The following CES4A variants were observed in gnomAD, a reference collection of about 807,000 sequenced individuals.
CES4A encodes carboxylesterase 4A, also known as carboxylesterase 6.
Under a neutral mutation model 65.4 loss-of-function variants are expected in CES4A, and 48 were observed. The observed-to-expected ratio is 0.73, with a 90% CI of 0.58 to 0.93. The LOEUF (loss-of-function observed/expected upper bound fraction) is 0.93, where lower values mean the gene tolerates loss of function less well. CES4A is among the 40% of genes least tolerant of loss of function. The pLI is 0.00. For missense variants in CES4A, 685 were observed against 728.5 expected (o/e 0.94, Z 0.69); for synonymous variants, 247 against 281.8 (o/e 0.88, Z 1.24).
intron 1 of CES4A, among the ~76,000 whole-genome samples, chr16:66,994,147 A>T (rs2145585795): frequency 6.6e-6 from 1 of 152,128 alleles, no homozygotes; most frequent in African/African-American, 2.4e-5. Context: ...ACAAACAGAA[A>T]TCAAAATGAA....
At position 67,001,074 on chromosome 16, in the gene CES4A, C is replaced by CGGGGGGG; in HGVS notation, c.536+88_536+89insGGGGGGG. On this transcript the variant is annotated intron_variant, in intron 4 of 13. Transcript: ENST00000648724. The surrounding 1 kb of genome is among the most constrained non-coding windows in gnomAD (Gnocchi z 4.1). ...GGGAAGGGAGGGGCGGGGCCTGGGG[C>CGGGGGGG]GGGGATGGGGGGGGTGGGGCCGCGA... is the stretch of plus-strand genomic sequence containing the variant. 1 of 108,620 alleles carries CGGGGGGG rather than the reference C, an allele frequency of 9.2e-6. No homozygotes were observed. Among genetic ancestry groups the CGGGGGGG allele is most frequent in the Non-Finnish European group, 1.6e-5 (1 of 62,072 alleles). 6.7% of individuals were successfully genotyped at this position (108,620 alleles called of 1,614,324 possible). A position where few individuals can be genotyped will look rare whatever the true frequency, so the allele number is the denominator to read the frequency against.
intron 1 of CES4A, among the ~76,000 whole-genome samples, chr16:66,990,852 T>C (rs1479938719): frequency 1.3e-5 from 2 of 151,968 alleles, no homozygotes; most frequent in Admixed American, 1.3e-4. Context: ...CCTTGCTTGG[T>C]CCCCAGATAT....
At chr16:66,999,368 C>G (rs1255853724) in intron 2 of CES4A, among the ~76,000 whole-genome samples, 1 of 152,210 alleles carries the variant, frequency 6.6e-6, no homozygotes, top group Non-Finnish European at 1.5e-5. Flanking sequence ...AAAAATACCC[C>G]AAATATCCAC....
At chr16:66,996,572 C>CA (rs1398337386) in intron 2 of CES4A, among the ~76,000 whole-genome samples, 2 of 152,196 alleles carry the variant, frequency 1.3e-5, no homozygotes, top group African/African-American at 4.8e-5. Context: ...TGGCGATTTA[C>CA]CCAGAACAAG....
In CES4A at chr16:67,000,413, A is replaced by G; in HGVS notation, c.261-225A>G. On this transcript the variant is annotated intron_variant, in intron 2 of 13. Transcript: ENST00000648724. This position sits in a 1 kb window ranked among gnomAD's most constrained non-coding sequence, Gnocchi z 4.2. ...GGAGCAGGAATCTCTCCACGGACTG[A>G]GGCGCCGGGCAGGGAGGGGATGGTT... 1 of 1,341,940 alleles carries G rather than the reference A, an allele frequency of 7.5e-7. No homozygotes were observed. Among genetic ancestry groups the G allele is most frequent in the East Asian group, 2.8e-5 (1 of 36,090 alleles). 83.1% of individuals were successfully genotyped at this position (1,341,940 alleles called of 1,614,324 possible).
chr16:67,007,082 G>GCC, intron 13 of CES4A: 2 of 451,996 alleles, frequency 4.4e-6, no homozygotes, highest in South Asian at 3.5e-5. Flanking sequence ...TTTGGGCCCA[G>GCC]CCCCAGTACT....
Position 67,009,055 on chromosome 16 carries a change from A to AGT in CES4A, c.1601_1602dup (p.Gly535TrpfsTer3). Reference sequence around the variant, plus strand: ...ACCTGCAGCTGGATTTTACCACAAGAGTGGGCATGAAGCTCAAGGAGAAGA... The same window carrying AGT: ...ACCTGCAGCTGGATTTTACCACAAGAGTGTGGGCATGAAGCTCAAGGAGAAGA... On this transcript the variant is annotated frameshift_variant, in exon 14 of 14. Coordinates refer to ENST00000648724, the Ensembl canonical transcript of CES4A. LOFTEE classifies it low-confidence loss of function (END_TRUNC). The AGT allele has an allele frequency of 6.2e-7, 1 of 1,614,204 alleles. No homozygotes were observed. The highest frequency in any genetic ancestry group is 8.5e-7 in the Non-Finnish European group (1 of 1,180,030).
At position 67,000,436 on chromosome 16, in the gene CES4A, G is replaced by T; in HGVS notation, c.261-202G>T. The T allele has an allele frequency of 1.4e-6, 2 of 1,403,552 alleles. No homozygotes were observed. The highest frequency in any genetic ancestry group is 1.9e-6 in the Non-Finnish European group (2 of 1,080,910). The allele number at this position is 1,403,552 out of a possible 1,614,324, so 86.9% of individuals were successfully genotyped here. On this transcript the variant is annotated intron_variant, in intron 2 of 13. Transcript: ENST00000648724. The surrounding 1 kb of genome is among the most constrained non-coding windows in gnomAD (Gnocchi z 4.2). The stretch of plus-strand genomic sequence containing the variant: ...TGAGGCGCCGGGCAGGGAGGGGATG[G>T]TTCCTGAGAGGCCAACCTGCCTCCC...
chr16:66,995,774 C>G, exon 2 of CES4A: 2 of 1,614,224 alleles, frequency 1.2e-6, no homozygotes, highest in Non-Finnish European at 1.7e-6. Context: ...GTTTGCACCT[C>G]CAGAACCCCC....
chr16:66,992,992 G>T (rs968505589), intron 1 of CES4A, among the ~76,000 whole-genome samples: 1 of 151,978 alleles, frequency 6.6e-6, no homozygotes, highest in African/African-American at 2.4e-5. Context: ...AGCCCAATTC[G>T]GTTTTGATAA....
rs377618990 is a variant in CES4A at position 67,000,794 on chromosome 16, T to A, written c.402+15T>A. The A allele has an allele frequency of 3.5e-5, 55 of 1,549,746 alleles. 1 individual carries two copies. The African/African-American group carries it at 7.3e-4, about 20-fold the overall frequency. ...CCCAGCTGCCAGTGAGTGCCAGGTC[T>A]CCCGCGCCCGCGGTCCCACCGCCGC... On this transcript the variant is annotated intron_variant, in intron 3 of 13. Coordinates refer to ENST00000648724, the Ensembl canonical transcript of CES4A. The surrounding 1 kb of genome is among the most constrained non-coding windows in gnomAD (Gnocchi z 4.2).
rs1458623642 is a variant in CES4A at position 66,988,731 on chromosome 16, G to A, written c.-42G>A. 4.5e-6 allele frequency: 7 copies of A among 1,552,898 alleles called. No individual in the cohort carries two copies. The African/African-American group carries it at 9.6e-5, about 21-fold the overall frequency. On this transcript the variant is annotated 5_prime_UTR_variant, in exon 1 of 14. The change creates a new upstream start codon in the 5' untranslated region. Coordinates refer to ENST00000648724, the Ensembl canonical transcript of CES4A. Reference sequence around the variant, plus strand: ...GCCATCCACAGTGTTGCCATCCACAGTGTTGCCATCACTCCTGCCCACAGC... The same window carrying A: ...GCCATCCACAGTGTTGCCATCCACAATGTTGCCATCACTCCTGCCCACAGC...
rs1431038255 is a variant in CES4A at position 67,006,459 on chromosome 16, A to G, written c.1384A>G (p.Thr462Ala). The G allele has an allele frequency of 5.9e-6, 9 of 1,536,534 alleles. No homozygotes were observed. In the Admixed American group the frequency reaches 9.8e-5, roughly 17 times the overall value. ...TCGTGGAATAATCGTCAAACCCCGC[A>G]CTGATGGGGCAGACCATGGGGATGA... Residue 462 changes from threonine to alanine, a missense_variant, in exon 12 of 14, where the codon ACT becomes GCT. Coordinates refer to ENST00000648724, the Ensembl canonical transcript of CES4A.
At chr16:67,006,159 T>C in intron 11 of CES4A, 1 of 520,900 alleles carries the variant, frequency 1.9e-6, no homozygotes, top group Non-Finnish European at 3.5e-6. Flanking sequence ...AATTAGGTTT[T>C]AGTATTCTCA....
rs1026488259 is a variant in CES4A at position 67,009,212 on chromosome 16, T to C, written c.*70T>C. ...ATCCAGGCCCTGGGGAGACTAGCCA[T>C]GGACATACCTGGGGACAAGAGTTCT... On this transcript the variant is annotated 3_prime_UTR_variant, in exon 14 of 14. Transcript: ENST00000648724. 30 of 1,432,610 alleles carry C rather than the reference T, an allele frequency of 2.1e-5. No homozygotes were observed. In the African/African-American group the frequency reaches 3.4e-4, roughly 16 times the overall value. 88.7% of individuals were successfully genotyped at this position (1,432,610 alleles called of 1,614,324 possible).
chr16:67,003,956 A>T lies in CES4A; in HGVS notation c.940-128A>T. On this transcript the variant is annotated intron_variant, in intron 8 of 13. Transcript: ENST00000648724. The surrounding 1 kb of genome is among the most constrained non-coding windows in gnomAD (Gnocchi z 4.2). ...CACACCCATCCTCCTGGGGCTCACC[A>T]TGCCAGCCCCAGCCTTTTCCCAATC... 1.0e-6 allele frequency: 1 copy of T among 991,602 alleles called. No individual in the cohort carries two copies. The highest frequency in any genetic ancestry group is 1.5e-6 in the Non-Finnish European group (1 of 650,266). 61.4% of individuals were successfully genotyped at this position (991,602 alleles called of 1,614,324 possible). A position where few individuals can be genotyped will look rare whatever the true frequency, so the allele number is the denominator to read the frequency against.
intron 1 of CES4A, among the ~76,000 whole-genome samples, chr16:66,989,543 T>A (rs891359810): frequency 7.3e-5 from 11 of 151,706 alleles, no homozygotes; most frequent in Admixed American, 6.6e-4. Context: ...ATAGACTCTG[T>A]CTCTATTTTT....
intron 2 of CES4A, among the ~76,000 whole-genome samples, chr16:66,998,334 A>T (rs973982278): frequency 2.9e-4 from 44 of 152,154 alleles, no homozygotes; most frequent in African/African-American, 1.0e-3. Flanking sequence ...TCTCACCTGT[A>T]ATCCCAACAC....
chr16:66,991,929 T>C (rs967616514), intron 1 of CES4A, among the ~76,000 whole-genome samples: 1 of 151,768 alleles, frequency 6.6e-6, no homozygotes, highest in African/African-American at 2.4e-5. Context: ...GGTAACAAAG[T>C]GAGACCCTGT....
Sources: gnomAD v4.1 joint callset for allele counts (sites outside exome capture counted in the v4.1 genomes callset) on GRCh38, gnomAD v4.1.1 for gene constraint, Gnocchi (gnomAD v3.1) non-coding constraint, MANE v1.5 for transcripts, NCBI Gene and HGNC (gene_info 2026-07-23, HGNC 2026-07-21) for gene names.